CHN2: variants seen among roughly 807,000 people sequenced by gnomAD.
The protein encoded by CHN2 is chimerin 2, also known as beta-chimaerin.
A neutral mutation model predicts 56.3 loss-of-function variants in CHN2; 35 were observed. The observed-to-expected ratio is 0.62, with a 90% confidence interval of 0.47 to 0.82. CHN2 has a LOEUF of 0.82. Ranked by LOEUF, CHN2 falls within the 40% of genes least tolerant of loss-of-function variation. CHN2 has a pLI of 0.00. For missense variants in CHN2, 491 were observed against 580.5 expected, an observed-to-expected ratio of 0.85 and a Z score of 1.58; for synonymous variants, 210 against 212.8, an observed-to-expected ratio of 0.99 and a Z score of 0.12.
chr7:29,240,476 G>C (rs1398119530), intron 1 of CHN2, among the ~76,000 whole-genome samples: 1 of 152,232 alleles, frequency 6.6e-6, no homozygotes, highest in Admixed American at 6.5e-5. Flanking sequence ...GTCTGAGGCA[G>C]AAAGCTAGTC....
At chr7:29,290,191 C>T (rs1388158576) in intron 1 of CHN2, among the ~76,000 whole-genome samples, 1 of 152,202 alleles carries the variant, frequency 6.6e-6, no homozygotes, top group Non-Finnish European at 1.5e-5. Flanking sequence ...GCTGCATTCA[C>T]GTTCTTTTTC....
intron 6 of CHN2, 60 bp downstream of exon 6, chr7:29,400,888 GT>G: frequency 6.5e-7 from 1 of 1,542,322 alleles, no homozygotes; most frequent in Non-Finnish European, 8.8e-7. Context: ...CAACAGGCGG[GT>G]TAACTATAGG....
At chr7:29,494,950 TAAAAAAAAAAAAAAAAA>T (rs5883217) in intron 7 of CHN2, among the ~76,000 whole-genome samples, 41 of 64,658 alleles carry the variant, frequency 6.3e-4, no homozygotes, top group Admixed American at 2.4e-4. Context: ...AAGCAGTTTG[TAAAAAAAAAAAAAAAAA>T]AAAAAAAAAA....
chr7:29,395,106 A>G (rs1055714275), intron 4 of CHN2, among the ~76,000 whole-genome samples: 1 of 152,246 alleles, frequency 6.6e-6, no homozygotes, highest in African/African-American at 2.4e-5. Flanking sequence ...AGAAGGAATC[A>G]CAAGAAACTA....
At chr7:29,449,815 T>TTAGGCC (rs1784280085) in intron 6 of CHN2, among the ~76,000 whole-genome samples, 1 of 152,212 alleles carries the variant, frequency 6.6e-6, no homozygotes, top group Non-Finnish European at 1.5e-5. Flanking sequence ...GTGAAGTAAT[T>TTAGGCC]TAGGCCAAGG....
chr7:29,411,504 T>G (rs957522133), intron 6 of CHN2, among the ~76,000 whole-genome samples: 1 of 152,150 alleles, frequency 6.6e-6, no homozygotes. Context: ...TGGAGTCATA[T>G]CTGCCCACTA....
At chr7:29,239,579 C>T (rs1314890993) in intron 1 of CHN2, among the ~76,000 whole-genome samples, 1 of 152,220 alleles carries the variant, frequency 6.6e-6, no homozygotes, top group African/African-American at 2.4e-5. Context: ...AGCCTTCATT[C>T]AACCCTACCT....
At chr7:29,381,720 C>T (rs1199096140) in intron 3 of CHN2, among the ~76,000 whole-genome samples, 2 of 147,030 alleles carry the variant, frequency 1.4e-5, no homozygotes, top group Admixed American at 7.0e-5. Flanking sequence ...TACAGACACC[C>T]TGGCTCCAGC....
chr7:29,245,452 G>T (rs1352372311), intron 1 of CHN2, among the ~76,000 whole-genome samples: 2 of 152,224 alleles, frequency 1.3e-5, no homozygotes, highest in Non-Finnish European at 2.9e-5. Context: ...AGGTACTTCA[G>T]TGGGGACAAG....
chr7:29,354,760 C>T (rs1562541213), intron 2 of CHN2, 97 bp downstream of exon 2: 4 of 1,070,354 alleles, frequency 3.7e-6, no homozygotes, highest in Middle Eastern at 2.0e-4. Flanking sequence ...AGCGTTCCCA[C>T]CTCACAGCAC....
intron 3 of CHN2, among the ~76,000 whole-genome samples, chr7:29,383,547 C>T (rs1562564503): frequency 6.6e-6 from 1 of 152,154 alleles, no homozygotes; most frequent in African/African-American, 2.4e-5. Flanking sequence ...CCAGACACAA[C>T]CAGAAATAAT....
intron 1 of CHN2, among the ~76,000 whole-genome samples, chr7:29,249,317 G>A (rs907632780): frequency 6.6e-6 from 1 of 152,198 alleles, no homozygotes; most frequent in African/African-American, 2.4e-5. Flanking sequence ...CAGGGAGCCT[G>A]GGCTTATTGT....
At chr7:29,415,887 T>G (rs567790161) in intron 6 of CHN2, among the ~76,000 whole-genome samples, 1 of 152,336 alleles carries the variant, frequency 6.6e-6, no homozygotes, top group East Asian at 1.9e-4. Flanking sequence ...CCTTTTCCAT[T>G]TTTAAATGAT....
intron 7 of CHN2, among the ~76,000 whole-genome samples, chr7:29,495,454 C>G: frequency 6.6e-6 from 1 of 152,162 alleles, no homozygotes; most frequent in Non-Finnish European, 1.5e-5. Context: ...AACTCCTTTA[C>G]TTTTTAAAAT....
At chr7:29,229,978 A>AAAATAAATAAAT (rs3046854) in intron 1 of CHN2, among the ~76,000 whole-genome samples, 83 of 149,652 alleles carry the variant, frequency 5.5e-4, no homozygotes, top group African/African-American at 1.8e-3. Context: ...CCCTGTCTCA[A>AAAATAAATAAAT]AAATAAATAA....
At chr7:29,480,883 C>G (rs903116693) in intron 7 of CHN2, among the ~76,000 whole-genome samples, 1 of 147,164 alleles carries the variant, frequency 6.8e-6, no homozygotes, top group Non-Finnish European at 1.5e-5. Flanking sequence ...GCTCCGGGTA[C>G]GGCTAGCAGG....
chr7:29,184,043 A>G (rs1418686665), intron 2 of CHN2, among the ~76,000 whole-genome samples: 1 of 152,052 alleles, frequency 6.6e-6, no homozygotes, highest in African/African-American at 2.4e-5. Flanking sequence ...ACACTATTTT[A>G]TATAAGACAC....
chr7:29,392,039 A>T (rs1801408999), intron 3 of CHN2, among the ~76,000 whole-genome samples: 1 of 152,214 alleles, frequency 6.6e-6, no homozygotes, highest in African/African-American at 2.4e-5. Context: ...CTACACCCAG[A>T]TTTTGCAAAC....
intron 1 of CHN2, among the ~76,000 whole-genome samples, chr7:29,302,946 G>C (rs1209921877): frequency 2.0e-5 from 3 of 152,168 alleles, no homozygotes; most frequent in East Asian, 1.9e-4. Flanking sequence ...TTCAAGCTAA[G>C]TACTGTTCCA....
Sources: gnomAD v4.1 joint callset for allele counts (sites outside exome capture counted in the v4.1 genomes callset) on GRCh38, gnomAD v4.1.1 for gene constraint, MANE v1.5 for transcripts, NCBI Gene and HGNC (gene_info 2026-07-23, HGNC 2026-07-21) for gene names.